Variants in LRRC4C observed in about 807,000 individuals in gnomAD.
LRRC4C encodes leucine-rich repeat-containing protein 4C.
LRRC4C carries 5 observed loss-of-function variants against 33.6 expected under a neutral mutation model. The observed-to-expected ratio is 0.15, with a 90% CI of 0.08 to 0.31. The LOEUF is 0.31. Among genes scored for constraint, LRRC4C ranks in the 10% least tolerant of loss-of-function variants. LRRC4C has a pLI of 1.00. For missense variants in LRRC4C, 560 were observed against 796.7 expected (o/e 0.70, Z 3.58); for synonymous variants, 329 against 302.0 (o/e 1.09, Z -0.93).
intron 3 of LRRC4C, among the ~76,000 whole-genome samples, chr11:40,563,078 C>T (rs1957615645): frequency 6.6e-6 from 1 of 152,146 alleles, no homozygotes; most frequent in African/African-American, 2.4e-5. Context: ...ACATCAAATT[C>T]CATTTTTATC....
chr11:41,240,445 T>C (rs148778981), intron 1 of LRRC4C, among the ~76,000 whole-genome samples: 2 of 152,198 alleles, frequency 1.3e-5, no homozygotes, highest in East Asian at 3.9e-4. Context: ...GAGGGGAAGA[T>C]TTTTTTCTGA....
intron 2 of LRRC4C, among the ~76,000 whole-genome samples, chr11:40,757,151 G>A (rs1948993962): frequency 6.6e-6 from 1 of 151,848 alleles, no homozygotes; most frequent in South Asian, 2.1e-4. Context: ...TATTCTACCT[G>A]CTTTCTGTTG....
chr11:40,622,524 C>T (rs76242012), intron 3 of LRRC4C, among the ~76,000 whole-genome samples: 2,694 of 151,778 alleles, frequency 0.018, 77 homozygotes, highest in African/African-American at 0.061. Context: ...AGAGTCAAGC[C>T]GCATTCTAGC....
intron 3 of LRRC4C, among the ~76,000 whole-genome samples, chr11:40,634,033 T>C (rs1963740980): frequency 6.6e-6 from 1 of 152,232 alleles, no homozygotes; most frequent in African/African-American, 2.4e-5. Flanking sequence ...CAGGGTATAT[T>C]GACAGGTTGT....
intron 1 of LRRC4C, among the ~76,000 whole-genome samples, chr11:41,250,997 A>T (rs575346111): frequency 5.9e-5 from 9 of 152,322 alleles, no homozygotes; most frequent in African/African-American, 2.2e-4. Context: ...ATTTTACATG[A>T]TATAGCTGAA....
At chr11:41,039,888 T>C (rs1857322091) in intron 1 of LRRC4C, among the ~76,000 whole-genome samples, 1 of 152,028 alleles carries the variant, frequency 6.6e-6, no homozygotes, top group Non-Finnish European at 1.5e-5. Flanking sequence ...ACGCCTGTAA[T>C]CTCAGCACTT....
At chr11:41,022,564 T>C (rs1856059889) in intron 1 of LRRC4C, among the ~76,000 whole-genome samples, 1 of 151,648 alleles carries the variant, frequency 6.6e-6, no homozygotes, top group African/African-American at 2.4e-5. Context: ...TTAGGTCATG[T>C]GCTAGTACCA....
At chr11:40,821,293 T>C (rs982794440) in intron 2 of LRRC4C, among the ~76,000 whole-genome samples, 5 of 151,780 alleles carry the variant, frequency 3.3e-5, no homozygotes, top group African/African-American at 9.6e-5. Flanking sequence ...ATTGACCAAC[T>C]GCTCCTAAAA....
intron 2 of LRRC4C, among the ~76,000 whole-genome samples, chr11:40,895,082 C>T (rs1159442756): frequency 3.3e-5 from 5 of 151,798 alleles, no homozygotes; most frequent in African/African-American, 1.2e-4. Context: ...ACTCTTGTTA[C>T]CCTGAGGTGA....
chr11:40,353,619 C>A (rs1947519501), intron 3 of LRRC4C, among the ~76,000 whole-genome samples: 1 of 152,122 alleles, frequency 6.6e-6, no homozygotes, highest in African/African-American at 2.4e-5. Context: ...GAGGCTGAGT[C>A]ATGAGAAACA....
intron 1 of LRRC4C, among the ~76,000 whole-genome samples, chr11:41,145,611 G>A (rs1314435656): frequency 1.3e-5 from 2 of 152,108 alleles, no homozygotes; most frequent in Non-Finnish European, 2.9e-5. Flanking sequence ...ACAACACTTT[G>A]TCGGATAAAT....
At chr11:40,353,127 T>A (rs1947491954) in intron 3 of LRRC4C, among the ~76,000 whole-genome samples, 1 of 152,182 alleles carries the variant, frequency 6.6e-6, no homozygotes, top group Admixed American at 6.5e-5. Flanking sequence ...TTTCTCTAGG[T>A]ATAAGTTCTC....
chr11:40,664,788 A>G (rs1238070151), intron 2 of LRRC4C, among the ~76,000 whole-genome samples: 1 of 152,100 alleles, frequency 6.6e-6, no homozygotes, highest in East Asian at 1.9e-4. Flanking sequence ...ATAGATATTT[A>G]TTATACTTTA....
chr11:40,961,573 A>T (rs2136874216), intron 1 of LRRC4C, among the ~76,000 whole-genome samples: 1 of 151,918 alleles, frequency 6.6e-6, no homozygotes, highest in East Asian at 1.9e-4. Context: ...TATATGGGGA[A>T]TAAAAAGGAA....
intron 1 of LRRC4C, among the ~76,000 whole-genome samples, chr11:41,249,098 G>A (rs1044161160): frequency 1.3e-5 from 2 of 150,486 alleles, no homozygotes; most frequent in African/African-American, 2.4e-5. Flanking sequence ...GCAGTGGCAC[G>A]ATCTCGGCTC....
At chr11:40,970,804 G>A (rs1312956228) in intron 1 of LRRC4C, among the ~76,000 whole-genome samples, 1 of 152,174 alleles carries the variant, frequency 6.6e-6, no homozygotes, top group Non-Finnish European at 1.5e-5. Context: ...AATATATTAG[G>A]AACTGGAGTA....
At chr11:40,376,432 G>A (rs1235736314) in intron 3 of LRRC4C, among the ~76,000 whole-genome samples, 2 of 152,240 alleles carry the variant, frequency 1.3e-5, no homozygotes, top group South Asian at 2.1e-4. Flanking sequence ...GTTGGAGTGC[G>A]AGAAAACTTG....
intron 3 of LRRC4C, among the ~76,000 whole-genome samples, chr11:40,434,642 T>C (rs759916770): frequency 3.9e-5 from 6 of 152,230 alleles, no homozygotes; most frequent in Non-Finnish European, 5.9e-5. Flanking sequence ...AGACCTACAC[T>C]TATCTTTTCT....
intron 4 of LRRC4C, among the ~76,000 whole-genome samples, chr11:40,300,798 C>T (rs1944737900): frequency 6.6e-6 from 1 of 152,166 alleles, no homozygotes; most frequent in African/African-American, 2.4e-5. Flanking sequence ...TTTTGAAATT[C>T]TGTGAAGTTT....
Sources: allele counts gnomAD v4.1 joint callset (sites outside exome capture counted in the v4.1 genomes callset), GRCh38; gene constraint gnomAD v4.1.1; transcripts MANE v1.5; gene names NCBI Gene and HGNC (gene_info 2026-07-23, HGNC 2026-07-21).